NFASC: variants seen among roughly 807,000 people sequenced by gnomAD.
NFASC encodes neurofascin, also known as neurofascin homolog.
Under a neutral mutation model 147.5 loss-of-function variants are expected in NFASC, and 43 were observed. The ratio of observed to expected loss-of-function variants is 0.29; its 90% confidence interval spans 0.23 to 0.38. The LOEUF (loss-of-function observed/expected upper bound fraction) is 0.38, where lower values mean the gene tolerates loss of function less well. Among genes scored for constraint, NFASC ranks in the 10% least tolerant of loss-of-function variants. The probability of loss-of-function intolerance (pLI) is 1.00; values close to 1 mark genes in which losing one functional copy is unlikely to be tolerated. For synonymous variants in NFASC, 622 were observed against 665.5 expected (o/e 0.93, Z 1.01); for missense variants, 1,320 against 1,689.0 (o/e 0.78, Z 3.83).
chr1:204,883,357 C>T (rs116812177), intron 1 of NFASC, among the ~76,000 whole-genome samples: 2 of 152,268 alleles, frequency 1.3e-5, no homozygotes, highest in African/African-American at 4.8e-5. Flanking sequence ...AGGGCTGGGG[C>T]GGCACTGGAG....
At chr1:204,877,046 TATAATATATTTATTTA>T (rs1558549706) in intron 1 of NFASC, among the ~76,000 whole-genome samples, 1,250 of 103,826 alleles carry the variant, frequency 0.012, 100 homozygotes, top group East Asian at 0.089. Context: ...TTTATATATA[TATAATATATTTATTTA>T]TATATTTATA....
In NFASC at chr1:204,981,834, C is replaced by T. The variant is rs1473100485; in HGVS notation, c.2284C>T (p.Arg762Cys). Residue 762 changes from arginine to cysteine, a missense_variant, in exon 21 of 30, where the codon CGC (arginine) becomes TGC (cysteine). This residue lies in a region of NFASC where 981 missense variants were observed against 1,289.5 expected (regional missense o/e 0.76). Coordinates refer to ENST00000339876, the MANE Select transcript of NFASC (RefSeq NM_001005388.3). ...CACCTCGGCCTTTGGCCCCAACCTG[C>T]GCTACATTGTCAAGTGGAGGCGGAG... Reference protein sequence around the residue: ...NATSAFGPNLRYIVKWRRRET... With the variant: ...NATSAFGPNLCYIVKWRRRET... The T allele has an allele frequency of 2.5e-6, 4 of 1,592,070 alleles. No homozygotes were observed. The highest frequency in any genetic ancestry group is 1.7e-5 in the Admixed American group (1 of 57,216).
chr1:204,843,981 G>T (rs928883599), intron 1 of NFASC, among the ~76,000 whole-genome samples: 2 of 152,040 alleles, frequency 1.3e-5, no homozygotes, highest in Non-Finnish European at 2.9e-5. Context: ...CAGGTGATCC[G>T]CTTGCTTCGG....
At chr1:204,952,931 ACAAGACAGTCT>A (rs1279212497) in intron 5 of NFASC, among the ~76,000 whole-genome samples, 1 of 152,190 alleles carries the variant, frequency 6.6e-6, no homozygotes, top group Non-Finnish European at 1.5e-5. Context: ...CTGGGTTCAC[ACAAGACAGTCT>A]CAAACCCAGA....
chr1:204,981,742 G>GGCAAGCT (rs1431027301), intron 20 of NFASC, 56 bp from the exon 21 acceptor site: 1 of 1,155,392 alleles, frequency 8.7e-7, no homozygotes, highest in African/African-American at 1.6e-5. Context: ...GCAAGCTGTG[G>GGCAAGCT]GTGGATCTGG....
At chr1:204,865,383 C>T (rs962835077) in intron 1 of NFASC, among the ~76,000 whole-genome samples, 1 of 152,198 alleles carries the variant, frequency 6.6e-6, no homozygotes, top group South Asian at 2.1e-4. Flanking sequence ...TTTCAGACCA[C>T]AGTTGACCTT....
At chr1:204,832,869 T>G (rs989256673) in intron 1 of NFASC, among the ~76,000 whole-genome samples, 1 of 152,252 alleles carries the variant, frequency 6.6e-6, no homozygotes, top group Non-Finnish European at 1.5e-5. Flanking sequence ...CCAAACTGTC[T>G]GGACAGACCC....
intron 1 of NFASC, among the ~76,000 whole-genome samples, chr1:204,877,849 C>T (rs887197196): frequency 6.6e-6 from 1 of 152,184 alleles, no homozygotes; most frequent in African/African-American, 2.4e-5. Context: ...CTGGTTCAAC[C>T]TGCCCTCGCA....
At chr1:204,958,692 T>C (rs2094530295) in intron 8 of NFASC, among the ~76,000 whole-genome samples, 1 of 152,218 alleles carries the variant, frequency 6.6e-6, no homozygotes, top group Admixed American at 6.5e-5. Flanking sequence ...TGACTCATGC[T>C]GTGAGTGTTG....
intron 2 of NFASC, among the ~76,000 whole-genome samples, chr1:204,940,721 T>C (rs1004574306): frequency 6.6e-6 from 1 of 152,222 alleles, no homozygotes; most frequent in Non-Finnish European, 1.5e-5. Context: ...TTGTGCATGG[T>C]TCTTTCACCG....
At position 204,890,230 on chromosome 1, in the gene NFASC, C is replaced by G. The variant is rs138876254; in HGVS notation, c.-199-30402C>G. On this transcript the variant is annotated intron_variant, in intron 1 of 29. Transcript: ENST00000339876. ...ACACCTATCCCTTCCTGCATCCATC[C>G]ATTCACGCAGGTTGTGTTGGCTGCA... 2.9e-3 allele frequency among the ~76,000 whole-genome samples: 441 copies of G among 152,224 alleles called. 1 individual carries two copies. The highest frequency in any genetic ancestry group is 9.7e-3 in the African/African-American group (401 of 41,524).
chr1:204,876,394 A>G (rs1418059553), intron 1 of NFASC, among the ~76,000 whole-genome samples: 1 of 152,104 alleles, frequency 6.6e-6, no homozygotes, highest in Admixed American at 6.5e-5. Flanking sequence ...CCATTATGAT[A>G]TATCTTTCTT....
chr1:204,974,560 T>C lies in NFASC; in HGVS notation c.1392-97T>C, dbSNP rs763807507. The C allele has an allele frequency of 4.3e-6, 6 of 1,397,240 alleles. No individual in the cohort carries two copies. The Admixed American group carries it at 1.0e-4, about 23-fold the overall frequency. The allele number at this position is 1,397,240 out of a possible 1,614,324, so 86.6% of individuals were successfully genotyped here. On this transcript the variant is annotated intron_variant, in intron 13 of 29. Coordinates refer to ENST00000339876, the MANE Select transcript of NFASC (RefSeq NM_001005388.3). ...CTCCAGTCTCCTAGCATGGGGCTCC[T>C]TCCACAGCCCCCATGGTCTCTCTTG... is the stretch of plus-strand genomic sequence containing the variant.
chr1:204,900,877 A>C (rs2084422923), intron 1 of NFASC, among the ~76,000 whole-genome samples: 1 of 152,108 alleles, frequency 6.6e-6, no homozygotes, highest in Admixed American at 6.5e-5. Flanking sequence ...GGGTCTTGCT[A>C]TGTTGTCCAG....
At chr1:204,843,509 A>G (rs1307543468) in intron 1 of NFASC, among the ~76,000 whole-genome samples, 1 of 151,730 alleles carries the variant, frequency 6.6e-6, no homozygotes, top group Non-Finnish European at 1.5e-5. Context: ...TTTGCTCCAA[A>G]TCATTTGTCT....
intron 2 of NFASC, among the ~76,000 whole-genome samples, chr1:204,926,323 T>C (rs796422407): frequency 5.4e-5 from 8 of 148,580 alleles, no homozygotes; most frequent in African/African-American, 2.0e-4. Flanking sequence ...CTTTTCAAAG[T>C]ATCACAGTTT....
At chr1:204,897,894 C>T (rs1458351451) in intron 1 of NFASC, among the ~76,000 whole-genome samples, 1 of 152,152 alleles carries the variant, frequency 6.6e-6, no homozygotes, top group Non-Finnish European at 1.5e-5. Context: ...TGCCACCACG[C>T]CCAGCTAATT....
Position 204,865,017 on chromosome 1 carries a change from G to C in NFASC, c.-200+36235G>C, listed in dbSNP as rs138625904. Among the ~76,000 whole-genome samples the C allele has an allele frequency of 5.2e-3, 792 of 152,268 alleles. 7 individuals carry two copies. Among genetic ancestry groups the C allele is most frequent in the African/African-American group, 0.018 (738 of 41,554 alleles). On this transcript the variant is annotated intron_variant, in intron 1 of 29. Transcript: ENST00000339876. The stretch of plus-strand genomic sequence containing the variant: ...CTAAAAGTCCATTAACAAACCCAAG[G>C]TTATGAAGTTTTACTTCTAGTTTTC...
At chr1:204,875,066 G>A (rs1371454541) in intron 1 of NFASC, among the ~76,000 whole-genome samples, 1 of 142,000 alleles carries the variant, frequency 7.0e-6, no homozygotes, top group East Asian at 2.0e-4. Flanking sequence ...TTTGAGTGTG[G>A]GTCTGCTTTG....
Sources: allele counts gnomAD v4.1 joint callset (sites outside exome capture counted in the v4.1 genomes callset), GRCh38; gene constraint gnomAD v4.1.1; regional missense constraint gnomAD v4.1.1; transcripts MANE v1.5; gene names NCBI Gene and HGNC (gene_info 2026-07-23, HGNC 2026-07-21).